Variants in B4GALNT3 observed in about 807,000 individuals in gnomAD.
B4GALNT3 encodes beta-1,4-N-acetyl-galactosaminyltransferase 3, also known as beta-1,4-N-acetylgalactosaminyltransferase 3.
B4GALNT3 carries 86 observed loss-of-function variants against 120.2 expected under a neutral mutation model. The observed-to-expected ratio is 0.72, with a 90% confidence interval of 0.60 to 0.86. The LOEUF is 0.86. Ranked by LOEUF, B4GALNT3 falls within the 40% of genes least tolerant of loss-of-function variation. B4GALNT3 has a pLI of 0.00. For synonymous variants in B4GALNT3, 518 were observed against 510.4 expected (o/e 1.01, Z -0.20); for missense variants, 1,167 against 1,298.9 (o/e 0.90, Z 1.56).
chr12:554,613 AC>A (rs1331654612), intron 14 of B4GALNT3, among the ~76,000 whole-genome samples: 30 of 151,254 alleles, frequency 2.0e-4, no homozygotes, highest in Admixed American at 1.6e-3. Flanking sequence ...ACACGGTGAA[AC>A]CCCGTCTCTA....
intron 17 of B4GALNT3, among the ~76,000 whole-genome samples, 197 bp downstream of exon 17, chr12:558,285 G>A (rs1336350883): frequency 1.3e-5 from 2 of 152,188 alleles, no homozygotes; most frequent in Non-Finnish European, 2.9e-5. Context: ...AGTTGTCCAG[G>A]GTCCTTGGAG....
chr12:476,345 A>T (rs1449468286), intron 1 of B4GALNT3, among the ~76,000 whole-genome samples: 2 of 152,180 alleles, frequency 1.3e-5, no homozygotes, highest in African/African-American at 4.8e-5. Flanking sequence ...GTGCTTTTAG[A>T]GGTTAGAGGC....
At chr12:538,132 T>C (rs1946879612) in intron 3 of B4GALNT3, among the ~76,000 whole-genome samples, 1 of 152,252 alleles carries the variant, frequency 6.6e-6, no homozygotes, top group Admixed American at 6.5e-5. Flanking sequence ...AATAAACCAA[T>C]TATTTTGAAA....
At chr12:464,555 T>A (rs564741391) in intron 1 of B4GALNT3, among the ~76,000 whole-genome samples, 1 of 151,612 alleles carries the variant, frequency 6.6e-6, no homozygotes, top group South Asian at 2.1e-4. Flanking sequence ...ATTGCTTAAC[T>A]CAGGAGGCAG....
At chr12:474,037 G>A (rs1021890875) in intron 1 of B4GALNT3, among the ~76,000 whole-genome samples, 2 of 152,156 alleles carry the variant, frequency 1.3e-5, no homozygotes, top group South Asian at 4.2e-4. Context: ...GAGAATGGGA[G>A]CTGGGTAGAA....
At chr12:538,527 C>T (rs1455516950) in intron 3 of B4GALNT3, among the ~76,000 whole-genome samples, 1 of 145,106 alleles carries the variant, frequency 6.9e-6, no homozygotes, top group Non-Finnish European at 1.5e-5. Context: ...CCACTGCACT[C>T]CAGCCTGAGT....
At chr12:541,095 C>T (rs1258976685) in intron 3 of B4GALNT3, among the ~76,000 whole-genome samples, 1 of 152,164 alleles carries the variant, frequency 6.6e-6, no homozygotes, top group Non-Finnish European at 1.5e-5. Flanking sequence ...AGCTTTAGAA[C>T]GAGAGTTCTG....
Position 482,684 on chromosome 12 carries a change from T to G in B4GALNT3, c.169+22139T>G, listed in dbSNP as rs536988870. Among the ~76,000 whole-genome samples the G allele has an allele frequency of 2.0e-5, 3 of 152,204 alleles. No homozygotes were observed. In the East Asian group the frequency reaches 5.8e-4, roughly 29 times the overall value. On this transcript the variant is annotated intron_variant, in intron 1 of 19. Coordinates refer to ENST00000266383, the MANE Select transcript of B4GALNT3 (RefSeq NM_173593.4). ...TGATTGGAGAGAGGCACAGAGGGCT[T>G]CAAAACGTGTCTGTTTCTTAAGCAT...
chr12:530,401 G>A (rs1000741307), intron 1 of B4GALNT3, among the ~76,000 whole-genome samples: 8 of 152,234 alleles, frequency 5.3e-5, no homozygotes, highest in African/African-American at 1.9e-4. Context: ...GGGAGGCTCA[G>A]GCCTGCAGTC....
rs1381431986 is a variant in B4GALNT3, at chr12:559,961, G to A, written c.2888+540G>A. Among the ~76,000 whole-genome samples, 5 of 152,158 alleles carry A rather than the reference G, an allele frequency of 3.3e-5. No individual in the cohort carries two copies. In the East Asian group the frequency reaches 9.6e-4, roughly 29 times the overall value. ...CCTGGGGGTTTGGAGCAGGAGGAAA[G>A]GGTCAATGAGATGAAAAGCCTCAGA... On this transcript the variant is annotated intron_variant, in intron 19 of 19. Transcript: ENST00000266383.
intron 1 of B4GALNT3, among the ~76,000 whole-genome samples, chr12:486,569 G>A (rs950693937): frequency 2.0e-5 from 3 of 152,136 alleles, no homozygotes; most frequent in Non-Finnish European, 4.4e-5. Context: ...CTGACTTGCT[G>A]TCCTAACCTA....
chr12:530,699 G>A (rs1565603970), intron 1 of B4GALNT3, among the ~76,000 whole-genome samples: 1 of 152,186 alleles, frequency 6.6e-6, no homozygotes, highest in Non-Finnish European at 1.5e-5. Context: ...TTAACAGGGA[G>A]GTTGAGAAGA....
At chr12:500,971 G>A (rs1047658490) in intron 1 of B4GALNT3, among the ~76,000 whole-genome samples, 3 of 143,576 alleles carry the variant, frequency 2.1e-5, no homozygotes, top group Admixed American at 7.3e-5. Context: ...AGGTTCAAGC[G>A]ATTCTCCTGC....
At chr12:545,691 GTGGGGAGGAGTGAGGAA>G (rs1487223341) in intron 6 of B4GALNT3, among the ~76,000 whole-genome samples, 7 of 140,708 alleles carry the variant, frequency 5.0e-5, no homozygotes, top group South Asian at 2.4e-4. Flanking sequence ...GGAGCGAGGT[GTGGGGAGGAGTGAGGAA>G]TGGGGAGGAG....
rs1362540222 is a variant in B4GALNT3, at chr12:560,974, T to C, written c.2889-369T>C. 2.0e-5 allele frequency among the ~76,000 whole-genome samples: 3 copies of C among 152,314 alleles called. No homozygotes were observed. In the East Asian group the frequency reaches 5.8e-4, roughly 29 times the overall value. On this transcript the variant is annotated intron_variant, in intron 19 of 19. Coordinates refer to ENST00000266383, the MANE Select transcript of B4GALNT3 (RefSeq NM_173593.4). ...GGCGCCAGTTATGGGGCACTCAGAGTGTGCCAGGAGCCGTGCTGAGCCCTC... is the reference window on the plus strand; with the variant it reads ...GGCGCCAGTTATGGGGCACTCAGAGCGTGCCAGGAGCCGTGCTGAGCCCTC...
intron 1 of B4GALNT3, among the ~76,000 whole-genome samples, chr12:474,593 A>G (rs561839911): frequency 6.6e-6 from 1 of 152,280 alleles, no homozygotes; most frequent in South Asian, 2.1e-4. Context: ...CTAAGGTAGG[A>G]GGATGGCTTG....
rs1221930084 is a variant in B4GALNT3 at position 550,439 on chromosome 12, T to G, written c.998-483T>G. On this transcript the variant is annotated intron_variant, in intron 10 of 19. Transcript: ENST00000266383. This position sits in a 1 kb window ranked among gnomAD's most constrained non-coding sequence, Gnocchi z 4.1. The stretch of plus-strand genomic sequence containing the variant: ...AGGAGGTTGAGGCTGCAGTGAGCTG[T>G]GATTGAACCACTGCACTCCAGCCTG... Among the ~76,000 whole-genome samples, 1 of 151,978 alleles carries G rather than the reference T, an allele frequency of 6.6e-6. No homozygotes were observed. Among genetic ancestry groups the G allele is most frequent in the Non-Finnish European group, 1.5e-5 (1 of 67,990 alleles).
chr12:466,359 G>A (rs1481822885), intron 1 of B4GALNT3, among the ~76,000 whole-genome samples: 2 of 152,112 alleles, frequency 1.3e-5, no homozygotes, highest in Non-Finnish European at 2.9e-5. Flanking sequence ...GGCTGTTCTT[G>A]GAGTTGGCCG....
chr12:527,322 C>G (rs1592042381), intron 1 of B4GALNT3, among the ~76,000 whole-genome samples: 1 of 152,252 alleles, frequency 6.6e-6, no homozygotes, highest in Non-Finnish European at 1.5e-5. Context: ...AGGCAAACAC[C>G]TGGCATGGGC....
Sources: gnomAD v4.1 joint callset for allele counts (sites outside exome capture counted in the v4.1 genomes callset) on GRCh38, gnomAD v4.1.1 for gene constraint, Gnocchi (gnomAD v3.1) non-coding constraint, MANE v1.5 for transcripts, NCBI Gene and HGNC (gene_info 2026-07-23, HGNC 2026-07-21) for gene names.